SYNPR: variants seen among roughly 807,000 people sequenced by gnomAD.
SYNPR encodes the protein synaptoporin.
In SYNPR, 23 loss-of-function variants were observed where a neutral mutation model predicts 32.9. The ratio of observed to expected loss-of-function variants is 0.70; its 90% CI spans 0.50 to 0.99. SYNPR has a LOEUF of 0.99. Among genes scored for constraint, SYNPR ranks in the 50% least tolerant of loss-of-function variants. SYNPR has a pLI of 0.00. For synonymous variants in SYNPR, 146 were observed against 135.9 expected (o/e 1.07, Z -0.52); for missense variants, 318 against 349.3 (o/e 0.91, Z 0.71).
intron 2 of SYNPR, among the ~76,000 whole-genome samples, chr3:63,431,327 C>T (rs904464832): frequency 8.5e-5 from 13 of 152,122 alleles, no homozygotes; most frequent in Non-Finnish European, 1.9e-4. Flanking sequence ...ATTTCTTCCA[C>T]AATCAAGTGC....
At position 63,388,549 on chromosome 3, in the gene SYNPR, G is replaced by A. The variant is rs374975684; in HGVS notation, c.85-92283G>A. On this transcript the variant is annotated intron_variant, in intron 2 of 5. Transcript: ENST00000478300. Reference sequence around the variant, plus strand: ...ATTACAGGCGCACACCACCACACCCGGCTAATTTGTGTGTGTGTGTGTGTG... The same window carrying A: ...ATTACAGGCGCACACCACCACACCCAGCTAATTTGTGTGTGTGTGTGTGTG... Among the ~76,000 whole-genome samples, 176 of 88,200 alleles carry A rather than the reference G, an allele frequency of 2.0e-3. 1 individual carries two copies. Among genetic ancestry groups the A allele is most frequent in the African/African-American group, 7.1e-3 (165 of 23,292 alleles). 57.9% of individuals were successfully genotyped at this position (88,200 alleles called of 152,430 possible).
Position 63,384,653 on chromosome 3 carries a change from G to A in SYNPR, c.85-96179G>A, listed in dbSNP as rs1442703965. On this transcript the variant is annotated intron_variant, in intron 2 of 5. Coordinates refer to ENST00000478300, the MANE Select transcript of SYNPR (RefSeq NM_001130003.2). ...ATAGAATATACAAACATTTGGCAGA[G>A]TTCTTATGTTAAGCCTTTCCATTAA... Among the ~76,000 whole-genome samples, 20 of 152,150 alleles carry A rather than the reference G, an allele frequency of 1.3e-4. 1 individual carries two copies. Among genetic ancestry groups the A allele is most frequent in the Admixed American group, 1.1e-3 (17 of 15,274 alleles).
At chr3:63,552,176 G>C (rs996481786) in intron 3 of SYNPR, among the ~76,000 whole-genome samples, 25 of 152,084 alleles carry the variant, frequency 1.6e-4, no homozygotes, top group African/African-American at 5.8e-4. Flanking sequence ...GTGATTACAG[G>C]CATGAGCCAC....
intron 2 of SYNPR, among the ~76,000 whole-genome samples, chr3:63,289,665 G>A (rs577498504): frequency 1.1e-4 from 16 of 152,034 alleles, no homozygotes; most frequent in African/African-American, 3.1e-4. Context: ...CCTAAATTAC[G>A]GATCGAATTT....
At chr3:63,395,184 T>C (rs184848631) in intron 2 of SYNPR, among the ~76,000 whole-genome samples, 101 of 152,326 alleles carry the variant, frequency 6.6e-4, no homozygotes, top group Admixed American at 1.3e-3. Flanking sequence ...GGGAGAAAGC[T>C]GTTGGATAGC....
chr3:63,379,994 A>G (rs1281485575), intron 2 of SYNPR, among the ~76,000 whole-genome samples: 1 of 152,164 alleles, frequency 6.6e-6, no homozygotes, highest in African/African-American at 2.4e-5. Flanking sequence ...AGCTTCATCC[A>G]CGTCCCTGCA....
At chr3:63,272,661 C>G (rs59683305) in intron 3 of SYNPR, among the ~76,000 whole-genome samples, 18,239 of 152,070 alleles carry the variant, frequency 0.12, 1,230 homozygotes, top group Non-Finnish European at 0.16. Flanking sequence ...CACCAGATCA[C>G]TGCATCCAGA....
At chr3:63,539,052 T>A (rs113869801) in intron 3 of SYNPR, among the ~76,000 whole-genome samples, 48 of 152,284 alleles carry the variant, frequency 3.2e-4, no homozygotes, top group African/African-American at 1.1e-3. Flanking sequence ...ATCATTTGCT[T>A]AGTTTCAAGG....
At chr3:63,262,983 T>G (rs573052307) in intron 2 of SYNPR, among the ~76,000 whole-genome samples, 1 of 152,302 alleles carries the variant, frequency 6.6e-6, no homozygotes, top group South Asian at 2.1e-4. Context: ...AGTCAAATGC[T>G]TACAGTGGCC....
rs113495803 is a variant in SYNPR at position 63,467,621 on chromosome 3, A to C, written c.85-13211A>C. ...TGGCACATTGCCAGATACAAACAGAAGCTCACTAAGTAGCAGCAGCAGTTG... is the reference window on the plus strand; with the variant it reads ...TGGCACATTGCCAGATACAAACAGACGCTCACTAAGTAGCAGCAGCAGTTG... On this transcript the variant is annotated intron_variant, in intron 2 of 5. Transcript: ENST00000478300. Among the ~76,000 whole-genome samples the C allele has an allele frequency of 3.3e-3, 496 of 152,366 alleles. 7 individuals are homozygous for C. Among genetic ancestry groups the C allele is most frequent in the African/African-American group, 0.011 (439 of 41,588 alleles).
At chr3:63,449,617 A>C (rs1367601680) in intron 2 of SYNPR, among the ~76,000 whole-genome samples, 5 of 152,084 alleles carry the variant, frequency 3.3e-5, no homozygotes, top group African/African-American at 4.8e-5. Context: ...ACCACCTTTG[A>C]CCAAATCCTC....
intron 2 of SYNPR, among the ~76,000 whole-genome samples, chr3:63,399,794 G>A (rs922785899): frequency 3.5e-4 from 53 of 152,044 alleles, no homozygotes; most frequent in African/African-American, 1.2e-3. Context: ...TCCCACTGAC[G>A]CATATTTTCT....
At chr3:63,202,341 A>G in the SYNPR span, among the ~76,000 whole-genome samples, 1 of 152,196 alleles carries the variant, frequency 6.6e-6, no homozygotes, top group Non-Finnish European at 1.5e-5. Flanking sequence ...TGTTTTAAAA[A>G]TGGTTCATAA....
chr3:63,470,161 T>G (rs892004077), intron 2 of SYNPR, among the ~76,000 whole-genome samples: 2 of 152,006 alleles, frequency 1.3e-5, no homozygotes, highest in Non-Finnish European at 2.9e-5. Flanking sequence ...TCTAGACCTC[T>G]TAAATTTCTG....
At chr3:63,227,736 G>A (rs918308079), upstream of SYNPR, among the ~76,000 whole-genome samples, 1 of 152,302 alleles carries the variant, frequency 6.6e-6, no homozygotes, top group East Asian at 1.9e-4. Context: ...AGCTGAGTCT[G>A]TCCTATTCTA....
chr3:63,442,178 T>TGTGC lies in SYNPR; in HGVS notation c.85-38651_85-38650insCGTG, dbSNP rs1700190013. On this transcript the variant is annotated intron_variant, in intron 2 of 5. Coordinates refer to ENST00000478300, the MANE Select transcript of SYNPR (RefSeq NM_001130003.2). ...ATGGTAGTGATAGTGTGTGTGTGTG[T>TGTGC]GTGTGTGTGCACGCATGAAAGAGAG... Among the ~76,000 whole-genome samples the TGTGC allele has an allele frequency of 2.3e-4, 35 of 149,624 alleles. No individual in the cohort carries two copies. In the South Asian group the frequency reaches 7.3e-3, roughly 31 times the overall value.
chr3:63,613,152 ATT>A lies in SYNPR; in HGVS notation c.601-2060_601-2059del, dbSNP rs34217962. Among the ~76,000 whole-genome samples, 722 of 145,940 alleles carry A rather than the reference ATT, an allele frequency of 4.9e-3. 7 individuals carry two copies. Among genetic ancestry groups the A allele is most frequent in the African/African-American group, 0.016 (631 of 39,724 alleles). On this transcript the variant is annotated intron_variant, in intron 5 of 5. Coordinates refer to ENST00000478300, the MANE Select transcript of SYNPR (RefSeq NM_001130003.2). ...AGGCATGTGCTGCCATGCTCAGCTA[ATT>A]TTTTTTTTTTTAAGAGACAAGGTCT...
At chr3:63,479,358 A>G (rs549254599) in intron 2 of SYNPR, among the ~76,000 whole-genome samples, 57 of 152,240 alleles carry the variant, frequency 3.7e-4, no homozygotes, top group South Asian at 1.2e-3. Flanking sequence ...TTTTACTCTT[A>G]CTACAATCCT....
chr3:63,412,786 C>T (rs1341137747), intron 2 of SYNPR, among the ~76,000 whole-genome samples: 1 of 152,126 alleles, frequency 6.6e-6, no homozygotes, highest in African/African-American at 2.4e-5. Context: ...CTGGGATCAG[C>T]CATCCTATAA....
Sources: allele counts gnomAD v4.1 joint callset (sites outside exome capture counted in the v4.1 genomes callset), GRCh38; gene constraint gnomAD v4.1.1; transcripts MANE v1.5; gene names NCBI Gene and HGNC (gene_info 2026-07-23, HGNC 2026-07-21).